ADAM18: variants seen among roughly 807,000 people sequenced by gnomAD.
ADAM18 encodes the protein ADAM metallopeptidase domain 18.
A neutral mutation model predicts 94.4 loss-of-function variants in ADAM18; 117 were observed. That is an observed-to-expected ratio of 1.24 (90% CI 1.07 to 1.45). The LOEUF (loss-of-function observed/expected upper bound fraction) is 1.45, where lower values mean the gene tolerates loss of function less well. Ranked by LOEUF, ADAM18 falls within the 40% of genes most tolerant of loss-of-function variation. The pLI is 0.00. For missense variants in ADAM18, 936 were observed against 880.0 expected, an observed-to-expected ratio of 1.06 and a Z score of -0.81; for synonymous variants, 327 against 291.6, an observed-to-expected ratio of 1.12 and a Z score of -1.24.
intron 17 of ADAM18, among the ~76,000 whole-genome samples, chr8:39,701,111 C>G (rs1822060696): frequency 2.3e-5 from 1 of 43,046 alleles, no homozygotes; most frequent in Non-Finnish European, 4.4e-5. Flanking sequence ...GAGCAAGACT[C>G]TGTCTCAAAA....
At chr8:39,617,428 G>A (rs748210325) in intron 6 of ADAM18, among the ~76,000 whole-genome samples, 17 of 152,154 alleles carry the variant, frequency 1.1e-4, no homozygotes, top group Admixed American at 3.3e-4. Context: ...GTGGAAAGCA[G>A]ATTGGAAATT....
chr8:39,664,994 G>T (rs189721428), intron 13 of ADAM18, among the ~76,000 whole-genome samples: 1 of 151,942 alleles, frequency 6.6e-6, no homozygotes, highest in Non-Finnish European at 1.5e-5. Flanking sequence ...ATATTCCCAA[G>T]TGTCAGAAGA....
At position 39,609,105 on chromosome 8, in the gene ADAM18, G is replaced by C. The variant is rs775813054; in HGVS notation, c.252G>C (p.Val84=). 14 of 1,586,158 alleles carry C rather than the reference G, an allele frequency of 8.8e-6. No individual in the cohort carries two copies. The East Asian group carries it at 2.9e-4, about 33-fold the overall frequency. ...TYNETGSLHS[V]SPYFMMHCHY... is the part of the protein sequence containing the mutation. ...ATGAAACTGGATCTTTGCATTCTGT[G>C]TCTCCATATTTTATGGTAAAGTAAG... Residue 84 remains valine, a synonymous_variant, in exon 4 of 20, where the codon GTG becomes GTC. Transcript: ENST00000265707.
In ADAM18 at chr8:39,723,898, A is replaced by G. The variant is rs76378145; in HGVS notation, c.2168A>G (p.Glu723Gly). The change falls in exon 19 of 20, where the codon GAG becomes GGG. Residue 723 changes from glutamate (E) to glycine (G), a missense_variant. Coordinates refer to ENST00000265707, the MANE Select transcript of ADAM18 (RefSeq NM_014237.3). Reference protein sequence around the residue: ...ISKSCNRENAEYNRNSSVVSE... With the variant: ...ISKSCNRENAGYNRNSSVVSE... ...AAATCATGTAACAGAGAGAATGCAG[A>G]GTATAATCGGTAAATATGATATAGA... 4.3e-3 allele frequency: 6,469 copies of G among 1,521,882 alleles called. 273 individuals are homozygous for G. In the African/African-American group the frequency reaches 0.083, roughly 20 times the overall value. The allele number at this position is 1,521,882 out of a possible 1,614,324, so 94.3% of individuals were successfully genotyped here. A position where few individuals can be genotyped will look rare whatever the true frequency, so the allele number is the denominator to read the frequency against.
intron 19 of ADAM18, among the ~76,000 whole-genome samples, chr8:39,728,653 T>C (rs913045814): frequency 6.6e-6 from 1 of 152,164 alleles, no homozygotes; most frequent in African/African-American, 2.4e-5. Context: ...TTCAGTGAAA[T>C]AAAAATCTTG....
chr8:39,594,260 A>C (rs1217655518), intron 2 of ADAM18, among the ~76,000 whole-genome samples: 5 of 152,154 alleles, frequency 3.3e-5, no homozygotes, highest in Non-Finnish European at 7.4e-5. Flanking sequence ...ATATATGTTG[A>C]GGAAATATTT....
intron 10 of ADAM18, among the ~76,000 whole-genome samples, chr8:39,642,390 G>A (rs138992983): frequency 1.3e-5 from 2 of 151,826 alleles, no homozygotes; most frequent in African/African-American, 2.4e-5. Context: ...TTATAGTTTT[G>A]AGTTTTACAT....
At chr8:39,696,882 A>G (rs1821941681) in intron 17 of ADAM18, among the ~76,000 whole-genome samples, 1 of 151,502 alleles carries the variant, frequency 6.6e-6, no homozygotes, top group Non-Finnish European at 1.5e-5. Context: ...TTTGTGATGC[A>G]TTTTTCAATT....
chr8:39,600,043 C>G (rs1818858087), intron 2 of ADAM18, among the ~76,000 whole-genome samples: 1 of 152,052 alleles, frequency 6.6e-6, no homozygotes, highest in Admixed American at 6.6e-5. Flanking sequence ...ACCATTAAGT[C>G]TGACATTAGC....
At chr8:39,717,052 C>T (rs1822597369) in intron 18 of ADAM18, among the ~76,000 whole-genome samples, 1 of 151,750 alleles carries the variant, frequency 6.6e-6, no homozygotes, top group African/African-American at 2.4e-5. Context: ...TATGTATTTG[C>T]ATGGAATATC....
At chr8:39,604,513 G>C (rs1049206172) in intron 2 of ADAM18, 4 of 152,128 alleles carry the variant, frequency 2.6e-5, no homozygotes, top group African/African-American at 7.2e-5. Flanking sequence ...CATGGGGGTG[G>C]ATCCCTCATG....
intron 7 of ADAM18, 76 bp downstream of exon 7, chr8:39,629,515 C>T (rs1585916033): frequency 5.3e-6 from 5 of 940,684 alleles, no homozygotes; most frequent in East Asian, 5.6e-5. Context: ...TCTTGCATTC[C>T]TGTCTTCTTC....
At chr8:39,620,286 G>A (rs938790591) in intron 6 of ADAM18, among the ~76,000 whole-genome samples, 12 of 137,690 alleles carry the variant, frequency 8.7e-5, no homozygotes, top group Non-Finnish European at 1.7e-4. Flanking sequence ...AAGCCTAAAC[G>A]AAACACTATA....
chr8:39,587,317 A>C (rs921893994), intron 2 of ADAM18, among the ~76,000 whole-genome samples: 1 of 152,244 alleles, frequency 6.6e-6, no homozygotes, highest in African/African-American at 2.4e-5. Context: ...TATACAGCAT[A>C]TCTCTAGAAC....
intron 16 of ADAM18, among the ~76,000 whole-genome samples, chr8:39,686,631 T>C (rs1821612761): frequency 1.3e-5 from 2 of 152,242 alleles, no homozygotes; most frequent in South Asian, 4.1e-4. Context: ...TTAAAGTGTT[T>C]CCTTTTTCAT....
At chr8:39,653,900 G>T (rs1228284298) in intron 12 of ADAM18, among the ~76,000 whole-genome samples, 1 of 151,892 alleles carries the variant, frequency 6.6e-6, no homozygotes, top group East Asian at 1.9e-4. Context: ...TACTTATTGT[G>T]CTATTGAACA....
chr8:39,661,002 G>A (rs186930308), intron 12 of ADAM18, among the ~76,000 whole-genome samples: 32 of 151,986 alleles, frequency 2.1e-4, no homozygotes, highest in Admixed American at 3.9e-4. Context: ...AGACTGTGAT[G>A]TTGAACAATT....
intron 13 of ADAM18, among the ~76,000 whole-genome samples, chr8:39,664,804 A>G (rs1820947571): frequency 6.6e-6 from 1 of 152,164 alleles, no homozygotes; most frequent in Non-Finnish European, 1.5e-5. Flanking sequence ...CTAAATATTA[A>G]TGCAGTAATA....
chr8:39,650,326 A>G (rs1820497834), intron 12 of ADAM18, among the ~76,000 whole-genome samples: 1 of 152,236 alleles, frequency 6.6e-6, no homozygotes, highest in African/African-American at 2.4e-5. Flanking sequence ...ATACTAAGAA[A>G]TAAAAGGTAT....
Sources: gnomAD v4.1 joint callset for allele counts (sites outside exome capture counted in the v4.1 genomes callset) on GRCh38, gnomAD v4.1.1 for gene constraint, MANE v1.5 for transcripts, NCBI Gene and HGNC (gene_info 2026-07-23, HGNC 2026-07-21) for gene names.